Variants in KDM4C observed in about 807,000 individuals in gnomAD.
The protein encoded by KDM4C is lysine demethylase 4C, also known as lysine-specific demethylase 4C.
KDM4C carries 81 observed loss-of-function variants against 129.3 expected under a neutral mutation model. The ratio of observed to expected loss-of-function variants is 0.63; its 90% CI spans 0.52 to 0.75. The LOEUF (loss-of-function observed/expected upper bound fraction) is 0.75, where lower values mean the gene tolerates loss of function less well. Ranked by LOEUF, KDM4C falls within the 30% of genes least tolerant of loss-of-function variation. KDM4C has a pLI of 0.00. For missense variants in KDM4C, 1,457 were observed against 1,304.0 expected, an observed-to-expected ratio of 1.12 and a Z score of -1.81; for synonymous variants, 573 against 456.1, an observed-to-expected ratio of 1.26 and a Z score of -3.26.
At chr9:6,759,324 A>G (rs1818922417) in intron 1 of KDM4C, among the ~76,000 whole-genome samples, 1 of 152,186 alleles carries the variant, frequency 6.6e-6, no homozygotes, top group Non-Finnish European at 1.5e-5. Context: ...TTTCTATGGC[A>G]ACGGTGACTA....
At chr9:7,145,641 A>AGC (rs1386423576) in intron 19 of KDM4C, among the ~76,000 whole-genome samples, 1 of 152,260 alleles carries the variant, frequency 6.6e-6, no homozygotes, top group East Asian at 1.9e-4. Context: ...ATTGTTAGGA[A>AGC]GCAAGGGCTT....
intron 7 of KDM4C, among the ~76,000 whole-genome samples, chr9:6,890,893 G>A (rs1218299167): frequency 6.6e-6 from 1 of 152,214 alleles, no homozygotes; most frequent in African/African-American, 2.4e-5. Context: ...AGATAATGGA[G>A]CTTGAACCGT....
chr9:6,813,197 TA>T (rs202033781), intron 3 of KDM4C, among the ~76,000 whole-genome samples: 3 of 150,458 alleles, frequency 2.0e-5, no homozygotes, highest in Admixed American at 6.6e-5. Flanking sequence ...AGAAAAACAT[TA>T]AAAAAAAAAT....
At chr9:6,918,754 G>T (rs1820788047) in intron 8 of KDM4C, among the ~76,000 whole-genome samples, 1 of 152,052 alleles carries the variant, frequency 6.6e-6, no homozygotes, top group African/African-American at 2.4e-5. Context: ...GTTTTGATTT[G>T]CATTTCTCTA....
At chr9:6,993,631 T>C (rs1020058411) in intron 12 of KDM4C, among the ~76,000 whole-genome samples, 10 of 152,152 alleles carry the variant, frequency 6.6e-5, no homozygotes, top group African/African-American at 2.4e-4. Context: ...AGTGCATGGG[T>C]GAACTATGCA....
intron 4 of KDM4C, chr9:6,834,693 A>C: frequency 1.2e-6 from 1 of 852,194 alleles, no homozygotes; most frequent in Non-Finnish European, 2.1e-6. Context: ...ACCAACTGGG[A>C]CAACATGGAG....
chr9:6,750,229 A>G (rs1818023520), intron 1 of KDM4C, among the ~76,000 whole-genome samples: 1 of 151,890 alleles, frequency 6.6e-6, no homozygotes. Flanking sequence ...TCACGAAGTC[A>G]GGAGTTCGAG....
chr9:7,003,867 C>G (rs999253074), intron 12 of KDM4C, among the ~76,000 whole-genome samples: 2 of 152,142 alleles, frequency 1.3e-5, no homozygotes, highest in African/African-American at 2.4e-5. Context: ...AAGTTTGAAT[C>G]TTTGCCTTTT....
intron 19 of KDM4C, among the ~76,000 whole-genome samples, chr9:7,137,316 G>C (rs1841317606): frequency 6.6e-6 from 1 of 152,192 alleles, no homozygotes; most frequent in Admixed American, 6.5e-5. Context: ...TGTTAGGGTA[G>C]GGCTGAATCA....
intron 9 of KDM4C, chr9:6,981,697 C>T (rs1816791087): frequency 5.8e-6 from 1 of 172,122 alleles, no homozygotes; most frequent in Non-Finnish European, 1.4e-5. Context: ...TTTAGATGTG[C>T]TGTGGGCATC....
At position 7,170,839 on chromosome 9, in the gene KDM4C, G is replaced by C. The variant is rs1270885391; in HGVS notation, c.2994+949G>C. On this transcript the variant is annotated intron_variant, in intron 21 of 21. Coordinates refer to ENST00000381309, the MANE Select transcript of KDM4C (RefSeq NM_015061.6). ...TAAATCAGGGATGTCCAATCTTTTT[G>C]CATCCCTGGGCCATACTTGAAGAAG... 7.3e-6 allele frequency: 6 copies of C among 827,426 alleles called. No homozygotes were observed. In the African/African-American group the frequency reaches 9.6e-5, roughly 13 times the overall value. 51.3% of individuals were successfully genotyped at this position (827,426 alleles called of 1,614,324 possible).
intron 4 of KDM4C, among the ~76,000 whole-genome samples, chr9:6,837,509 C>A (rs1836097883): frequency 6.6e-6 from 1 of 152,222 alleles, no homozygotes; most frequent in Non-Finnish European, 1.5e-5. Flanking sequence ...TCATGCTGAT[C>A]CAGTCTTCAC....
At chr9:6,785,308 CTCTT>C (rs1304586021) in intron 1 of KDM4C, among the ~76,000 whole-genome samples, 5 of 151,554 alleles carry the variant, frequency 3.3e-5, no homozygotes, top group Admixed American at 1.3e-4. Context: ...TCACATGGCA[CTCTT>C]TCCTGTGTCT....
At chr9:6,823,528 A>G (rs12004682) in intron 4 of KDM4C, among the ~76,000 whole-genome samples, 3,494 of 152,272 alleles carry the variant, frequency 0.023, 129 homozygotes, top group African/African-American at 0.079. Flanking sequence ...AACTTCTGCT[A>G]TCTCACACTG....
At chr9:6,839,005 T>G (rs960635832) in intron 4 of KDM4C, among the ~76,000 whole-genome samples, 12 of 152,186 alleles carry the variant, frequency 7.9e-5, no homozygotes, top group African/African-American at 2.7e-4. Flanking sequence ...CTAACCAAAT[T>G]TTATGTTATT....
intron 17 of KDM4C, among the ~76,000 whole-genome samples, chr9:7,097,463 G>C (rs1395527425): frequency 1.3e-5 from 2 of 152,222 alleles, no homozygotes; most frequent in Non-Finnish European, 1.5e-5. Flanking sequence ...GAGGTGAGCT[G>C]CCTACACTCT....
In KDM4C at chr9:7,071,096, T is replaced by C. The variant is rs569098268; in HGVS notation, c.2424+21896T>C. Among the ~76,000 whole-genome samples, 144 of 152,272 alleles carry C rather than the reference T, an allele frequency of 9.5e-4. 1 individual carries two copies. The highest frequency in any genetic ancestry group is 3.3e-3 in the African/African-American group (139 of 41,572). On this transcript the variant is annotated intron_variant, in intron 17 of 21. Coordinates refer to ENST00000381309, the MANE Select transcript of KDM4C (RefSeq NM_015061.6). ...GCCAAAATAATGAAATGCGTAGATATAACATGAAAGCATATATGCAAAATC... is the reference window on the plus strand; with the variant it reads ...GCCAAAATAATGAAATGCGTAGATACAACATGAAAGCATATATGCAAAATC...
chr9:6,826,126 A>T (rs1316248662), intron 4 of KDM4C, among the ~76,000 whole-genome samples: 1 of 152,056 alleles, frequency 6.6e-6, no homozygotes, highest in Non-Finnish European at 1.5e-5. Flanking sequence ...GGAGAATCTT[A>T]ATACAAAAAA....
intron 1 of KDM4C, among the ~76,000 whole-genome samples, chr9:6,741,891 TACACAC>T (rs34722839): frequency 6.7e-6 from 1 of 149,308 alleles, no homozygotes; most frequent in Non-Finnish European, 1.5e-5. Flanking sequence ...AAAATGTTGT[TACACAC>T]ACACACACAC....
Sources: gnomAD v4.1 joint callset for allele counts (sites outside exome capture counted in the v4.1 genomes callset) on GRCh38, gnomAD v4.1.1 for gene constraint, MANE v1.5 for transcripts, NCBI Gene and HGNC (gene_info 2026-07-23, HGNC 2026-07-21) for gene names.